SLC12A6: variants seen among roughly 807,000 people sequenced by gnomAD.
SLC12A6 encodes solute carrier family 12 member 6.
A neutral mutation model predicts 135.3 loss-of-function variants in SLC12A6; 66 were observed. The ratio of observed to expected loss-of-function variants is 0.49; its 90% confidence interval spans 0.40 to 0.60. SLC12A6 has a LOEUF of 0.60. Ranked by LOEUF, SLC12A6 falls within the 20% of genes least tolerant of loss-of-function variation. The pLI is 0.00. For missense variants in SLC12A6, 1,058 were observed against 1,452.3 expected (o/e 0.73, Z 4.41); for synonymous variants, 513 against 508.8 (o/e 1.01, Z -0.11).
In SLC12A6 at chr15:34,233,783, G is replaced by T; in HGVS notation, c.*98C>A. ...TCAGTATGATGTGTACAGAACACAG[G>T]CTTCTAGTTGAGTGGGAGTGGTAGT... On this transcript the variant is annotated 3_prime_UTR_variant, in exon 26 of 26. Coordinates refer to ENST00000354181, the MANE Select transcript of SLC12A6 (RefSeq NM_001365088.1). The T allele has an allele frequency of 1.3e-6, 1 of 747,170 alleles. No homozygotes were observed. Among genetic ancestry groups the T allele is most frequent in the Non-Finnish European group, 2.5e-6 (1 of 403,220 alleles). The allele number at this position is 747,170 out of a possible 1,614,324, so 46.3% of individuals were successfully genotyped here. A position where few individuals can be genotyped will look rare whatever the true frequency, so the allele number is the denominator to read the frequency against.
intron 3 of SLC12A6, among the ~76,000 whole-genome samples, chr15:34,269,936 A>G (rs1333807385): frequency 2.0e-5 from 3 of 152,194 alleles, no homozygotes; most frequent in African/African-American, 7.2e-5. Context: ...AGGTCACCAA[A>G]TGGTAATATT....
chr15:34,324,533 T>C (rs1258723184), intron 2 of SLC12A6, among the ~76,000 whole-genome samples: 4 of 152,226 alleles, frequency 2.6e-5, no homozygotes, highest in Non-Finnish European at 4.4e-5. Context: ...GGTAGTATTT[T>C]GATACTGCAA....
Position 34,236,168 on chromosome 15 carries a change from A to T in SLC12A6, c.3074T>A (p.Leu1025Gln). The change falls in exon 24 of 26, where the codon CTA becomes CAA. Residue 1025 changes from leucine to glutamine, a missense_variant. By Grantham distance (113) the Leu-to-Gln change is moderately radical. Coordinates refer to ENST00000354181, the MANE Select transcript of SLC12A6 (RefSeq NM_001365088.1). ...ATCAGAGCCAATGCTGGTCAATCGT[A>T]GCATTGAGTTTCGGTCTTTCACCAA... ...AQLVKDRNSM[L>Q]RLTSIGSDED... is the part of the protein sequence containing the mutation. 6.2e-7 allele frequency: 1 copy of T among 1,614,030 alleles called. No individual in the cohort carries two copies. The highest frequency in any genetic ancestry group is 8.5e-7 in the Non-Finnish European group (1 of 1,179,894).
chr15:34,285,536 T>C (rs73392004), intron 2 of SLC12A6, among the ~76,000 whole-genome samples: 20,256 of 151,426 alleles, frequency 0.13, 1,490 homozygotes, highest in East Asian at 0.32. Flanking sequence ...GCCAGCTTAG[T>C]AGGGAATCCT....
intron 7 of SLC12A6, among the ~76,000 whole-genome samples, chr15:34,255,833 G>C (rs56207527): frequency 0.14 from 20,836 of 151,546 alleles, 1,566 homozygotes; most frequent in East Asian, 0.32. Context: ...GCCAGGCATA[G>C]TGGTGTACAC....
intron 2 of SLC12A6, chr15:34,314,950 G>A (rs1274940256): frequency 3.3e-5 from 5 of 152,166 alleles, no homozygotes; most frequent in African/African-American, 9.7e-5. Context: ...GAAATAGCAA[G>A]AGTACGAGAA....
intron 15 of SLC12A6, among the ~76,000 whole-genome samples, chr15:34,244,396 A>G (rs1891848468): frequency 6.6e-6 from 1 of 152,184 alleles, no homozygotes; most frequent in African/African-American, 2.4e-5. Context: ...TTTCATCTCT[A>G]CTACTAATCA....
chr15:34,333,090 A>G (rs8029343), intron 2 of SLC12A6, among the ~76,000 whole-genome samples: 7,277 of 152,224 alleles, frequency 0.048, 363 homozygotes, highest in African/African-American at 0.13. Context: ...TGATCAGAAT[A>G]AGATTCTAGA....
chr15:34,260,032 T>C (rs1261411321), intron 4 of SLC12A6, among the ~76,000 whole-genome samples: 2 of 152,160 alleles, frequency 1.3e-5, no homozygotes, highest in Non-Finnish European at 1.5e-5. Flanking sequence ...ATAGCAACTA[T>C]AGTTAACATA....
intron 2 of SLC12A6, among the ~76,000 whole-genome samples, chr15:34,333,063 C>T (rs1404907517): frequency 6.6e-6 from 1 of 151,976 alleles, no homozygotes; most frequent in Non-Finnish European, 1.5e-5. Flanking sequence ...AGTCTCCTCA[C>T]TTATTAAAAT....
intron 2 of SLC12A6, among the ~76,000 whole-genome samples, chr15:34,283,705 A>C (rs1014869621): frequency 6.6e-6 from 1 of 152,174 alleles, no homozygotes; most frequent in African/African-American, 2.4e-5. Flanking sequence ...CACTATAATA[A>C]GGAGTGTGAA....
At position 34,252,395 on chromosome 15, in the gene SLC12A6, A is replaced by T; in HGVS notation, c.1119-11T>A. The T allele has an allele frequency of 6.8e-7, 1 of 1,469,118 alleles. No individual in the cohort carries two copies. Among genetic ancestry groups the T allele is most frequent in the East Asian group, 2.3e-5 (1 of 44,224 alleles). The allele number at this position is 1,469,118 out of a possible 1,614,324, so 91.0% of individuals were successfully genotyped here. ...CCCAGCATGCAGACCCTAAGTGAAAAGAAATAGGGAGAAAGATCAAGTAAG... is the reference window on the plus strand; with the variant it reads ...CCCAGCATGCAGACCCTAAGTGAAATGAAATAGGGAGAAAGATCAAGTAAG... On this transcript the variant is annotated splice_polypyrimidine_tract_variant and intron_variant, in intron 9 of 25. Coordinates refer to ENST00000354181, the MANE Select transcript of SLC12A6 (RefSeq NM_001365088.1).
intron 2 of SLC12A6, among the ~76,000 whole-genome samples, chr15:34,286,870 TCAA>T (rs1895119342): frequency 6.6e-6 from 1 of 152,152 alleles, no homozygotes; most frequent in Admixed American, 6.5e-5. Flanking sequence ...ATACTATGCT[TCAA>T]AAGAGGACAA....
In SLC12A6 at chr15:34,264,851, A is replaced by G. The variant is rs185383696; in HGVS notation, c.317-3831T>C. Among the ~76,000 whole-genome samples the G allele has an allele frequency of 7.3e-4, 111 of 152,346 alleles. No individual in the cohort carries two copies. In the Middle Eastern group the frequency reaches 0.01, roughly 14 times the overall value. On this transcript the variant is annotated intron_variant, in intron 3 of 25. Transcript: ENST00000354181. Reference sequence around the variant, plus strand: ...TATTTTCAGTAACAAAAAGTTATAAATAGAAAAATGTAATTCTTTTCCTCT... The same window carrying G: ...TATTTTCAGTAACAAAAAGTTATAAGTAGAAAAATGTAATTCTTTTCCTCT...
intron 13 of SLC12A6, among the ~76,000 whole-genome samples, chr15:34,246,445 C>T (rs953780235): frequency 6.6e-6 from 1 of 152,110 alleles, no homozygotes; most frequent in Non-Finnish European, 1.5e-5. Context: ...GATCTCACTG[C>T]ACTATAATTC....
chr15:34,323,619 G>C (rs1566871704), intron 2 of SLC12A6, among the ~76,000 whole-genome samples: 1 of 152,162 alleles, frequency 6.6e-6, no homozygotes, highest in Non-Finnish European at 1.5e-5. Context: ...CATGAAACCA[G>C]CCTCTGGTGC....
At chr15:34,271,085 T>C (rs529873084) in intron 3 of SLC12A6, among the ~76,000 whole-genome samples, 1 of 152,310 alleles carries the variant, frequency 6.6e-6, no homozygotes, top group East Asian at 1.9e-4. Flanking sequence ...GTGAGGATTA[T>C]GGGAATTACA....
intron 2 of SLC12A6, among the ~76,000 whole-genome samples, chr15:34,325,753 TCATGC>T (rs1179448869): frequency 2.6e-5 from 4 of 152,280 alleles, no homozygotes; most frequent in African/African-American, 9.6e-5. Context: ...GCTGAAAGGA[TCATGC>T]ATTCACTCAA....
intron 2 of SLC12A6, among the ~76,000 whole-genome samples, chr15:34,276,339 G>A (rs1421621819): frequency 6.6e-6 from 1 of 152,162 alleles, no homozygotes; most frequent in African/African-American, 2.4e-5. Context: ...ATATATTCTA[G>A]TAGTTTGACT....
Sources: gnomAD v4.1 joint callset for allele counts (sites outside exome capture counted in the v4.1 genomes callset) on GRCh38, gnomAD v4.1.1 for gene constraint, MANE v1.5 for transcripts, NCBI Gene and HGNC (gene_info 2026-07-23, HGNC 2026-07-21) for gene names.